Variants in COL5A2 observed in about 807,000 individuals in gnomAD.
The protein encoded by COL5A2 is collagen type V alpha 2 chain.
COL5A2 carries 23 observed loss-of-function variants against 208.2 expected under a neutral mutation model. That is an observed-to-expected ratio of 0.11 (90% CI 0.08 to 0.16). The LOEUF (loss-of-function observed/expected upper bound fraction) is 0.16. Among genes scored for constraint, COL5A2 ranks in the 10% least tolerant of loss-of-function variants. COL5A2 has a pLI of 1.00. For synonymous variants in COL5A2, 625 were observed against 628.5 expected (o/e 0.99, Z 0.08); for missense variants, 1,590 against 1,956.4 (o/e 0.81, Z 3.53).
chr2:189,138,324 T>A (rs534268098), intron 1 of COL5A2, among the ~76,000 whole-genome samples: 1 of 152,182 alleles, frequency 6.6e-6, no homozygotes, highest in East Asian at 1.9e-4. Flanking sequence ...TCTACCCTTA[T>A]CTTACTTATT....
At chr2:189,254,806 T>C in the COL5A2 span, among the ~76,000 whole-genome samples, 1 of 152,250 alleles carries the variant, frequency 6.6e-6, no homozygotes, top group Admixed American at 6.5e-5. Context: ...AGAGGCCAAT[T>C]TGGGAAGCAA....
chr2:189,252,034 G>GA, the COL5A2 span, among the ~76,000 whole-genome samples: 1 of 152,190 alleles, frequency 6.6e-6, no homozygotes, highest in Non-Finnish European at 1.5e-5. Flanking sequence ...CTGGCCATCA[G>GA]AAAAATGCAA....
intron 1 of COL5A2, among the ~76,000 whole-genome samples, chr2:189,199,414 A>G (rs542688555): frequency 4.5e-4 from 68 of 152,326 alleles, no homozygotes; most frequent in Admixed American, 1.4e-3. Flanking sequence ...TTAGAGGGAA[A>G]TAAAGCATTT....
chr2:189,049,590 G>A, intron 43 of COL5A2, 136 bp from the exon 44 acceptor site: 2 of 715,748 alleles, frequency 2.8e-6, no homozygotes, highest in Non-Finnish European at 4.9e-6. Context: ...CAACACTCAT[G>A]TAATCATAAT....
the COL5A2 span, among the ~76,000 whole-genome samples, chr2:189,248,366 A>G: frequency 4.2e-4 from 64 of 152,328 alleles, no homozygotes; most frequent in African/African-American, 1.5e-3. Flanking sequence ...CTATTTTAGA[A>G]GTATTTGGCA....
chr2:189,086,580 C>A, intron 9 of COL5A2, 146 bp downstream of exon 9: 1 of 565,298 alleles, frequency 1.8e-6, no homozygotes, highest in South Asian at 2.8e-5. Flanking sequence ...TAAATAAAAA[C>A]TATTTAATAT....
chr2:189,375,356 C>T, the COL5A2 span, among the ~76,000 whole-genome samples: 1 of 152,070 alleles, frequency 6.6e-6, no homozygotes, highest in Non-Finnish European at 1.5e-5. Flanking sequence ...TACCAAATAG[C>T]ATTACTTCAT....
At chr2:189,247,961 T>A in the COL5A2 span, among the ~76,000 whole-genome samples, 3 of 152,250 alleles carry the variant, frequency 2.0e-5, no homozygotes, top group East Asian at 5.8e-4. Flanking sequence ...TAAGAAATGT[T>A]TCATGAATAT....
At chr2:189,173,155 G>A (rs1322583446) in intron 1 of COL5A2, among the ~76,000 whole-genome samples, 1 of 151,578 alleles carries the variant, frequency 6.6e-6, no homozygotes, top group Non-Finnish European at 1.5e-5. Context: ...TGTATTTTTA[G>A]TAGAGACAGG....
At chr2:189,324,215 G>A in the COL5A2 span, among the ~76,000 whole-genome samples, 1 of 152,136 alleles carries the variant, frequency 6.6e-6, no homozygotes, top group African/African-American at 2.4e-5. Flanking sequence ...AAAAACCCTA[G>A]AAGAAAATCT....
At chr2:189,365,166 A>G in the COL5A2 span, among the ~76,000 whole-genome samples, 2 of 152,200 alleles carry the variant, frequency 1.3e-5, no homozygotes, top group Admixed American at 6.5e-5. Flanking sequence ...CACTTTCATC[A>G]TTAATTCTAT....
intron 1 of COL5A2, among the ~76,000 whole-genome samples, chr2:189,169,614 T>C (rs1386567084): frequency 6.6e-6 from 1 of 152,200 alleles, no homozygotes; most frequent in African/African-American, 2.4e-5. Context: ...CTAGGCTTAA[T>C]CTCTCTGAGA....
chr2:189,354,443 G>A, the COL5A2 span, among the ~76,000 whole-genome samples: 2 of 152,098 alleles, frequency 1.3e-5, no homozygotes, highest in African/African-American at 4.8e-5. Context: ...ATTAATTACT[G>A]CCTCAATTTC....
In COL5A2 at chr2:189,051,397, G is replaced by A. The variant is rs199530997; in HGVS notation, c.2854C>T (p.Arg952Cys). The A allele has an allele frequency of 6.5e-5, 105 of 1,613,908 alleles. No homozygotes were observed. In the East Asian group the frequency reaches 2.1e-3, roughly 32 times the overall value. The change falls in exon 42 of 54, where the codon CGT becomes TGT. Residue 952 changes from arginine (R) to cysteine (C), a missense_variant. Arg to Cys is a radical substitution (Grantham distance 180). Transcript: ENST00000374866. The stretch of plus-strand genomic sequence containing the variant: ...CCAGCTGGTCCTCGATCTCCCACAC[G>A]CCCATGAGAGCCAGGGTCCCCACGA... Reference protein sequence around the residue: ...GLRGDPGSHGRVGDRGPAGPP... With the variant: ...GLRGDPGSHGCVGDRGPAGPP...
intron 1 of COL5A2, among the ~76,000 whole-genome samples, chr2:189,135,417 A>G (rs1687809371): frequency 6.6e-6 from 1 of 152,220 alleles, no homozygotes. Flanking sequence ...TGCAGAGTAC[A>G]TATCTGGTAA....
rs1161660464 is a variant in COL5A2, at chr2:189,118,607, G to A, written c.98-8158C>T. On this transcript the variant is annotated intron_variant, in intron 1 of 53. Coordinates refer to ENST00000374866, the MANE Select transcript of COL5A2 (RefSeq NM_000393.5). ...TTGATCCCATTCATTTCAGTACCAA[G>A]GATTCTAAAATATTTTGAAGAAAAT... is the stretch of plus-strand genomic sequence containing the variant. Among the ~76,000 whole-genome samples, 3 of 152,084 alleles carry A rather than the reference G, an allele frequency of 2.0e-5. No homozygotes were observed. In the East Asian group the frequency reaches 5.8e-4, roughly 29 times the overall value.
In COL5A2 at chr2:189,039,477, A is replaced by G. The variant is rs10208525; in HGVS notation, c.3720T>C (p.Tyr1240=). The G allele has an allele frequency of 0.1, 165,115 of 1,613,900 alleles. 9,098 individuals are homozygous for G. The highest frequency in any genetic ancestry group is 0.17 in the Middle Eastern group (1,035 of 6,040). ...GAAGTGGATCTGGCATGCTTTCATC[A>G]TAGTGCCCCATGATATCCCCAAGAG... ...TAALGDIMGH[Y]DESMPDPLPE... The change falls in exon 51 of 54, where the codon TAT becomes TAC. Residue 1240 remains tyrosine (Y), a synonymous_variant. Transcript: ENST00000374866.
Position 189,085,702 on chromosome 2 carries a change from G to C in COL5A2, c.744+17C>G, listed in dbSNP as rs367667784. Reference sequence around the variant, plus strand: ...GACCCAAATGTAACTGGGTCTACATGCTTACTTGACATTTACCATTGGTCC... The same window carrying C: ...GACCCAAATGTAACTGGGTCTACATCCTTACTTGACATTTACCATTGGTCC... On this transcript the variant is annotated intron_variant, in intron 10 of 53. Transcript: ENST00000374866. 4.3e-6 allele frequency: 7 copies of C among 1,611,196 alleles called. No homozygotes were observed. Among genetic ancestry groups the C allele is most frequent in the Non-Finnish European group, 5.1e-6 (6 of 1,177,512 alleles).
chr2:189,048,134 C>A lies in COL5A2; in HGVS notation c.3201+75G>T, dbSNP rs528928241. 2.4e-5 allele frequency: 32 copies of A among 1,355,682 alleles called. No individual in the cohort carries two copies. The East Asian group carries it at 7.4e-4, about 32-fold the overall frequency. 84.0% of individuals were successfully genotyped at this position (1,355,682 alleles called of 1,614,324 possible). On this transcript the variant is annotated intron_variant, in intron 45 of 53. Transcript: ENST00000374866. ...GTATTGGAACTATCAGGAAAAATGA[C>A]AGTTTTTAGTGTAAATTAAAAAGAT...
Sources: allele counts gnomAD v4.1 joint callset (sites outside exome capture counted in the v4.1 genomes callset), GRCh38; gene constraint gnomAD v4.1.1; transcripts MANE v1.5; gene names NCBI Gene and HGNC (gene_info 2026-07-23, HGNC 2026-07-21).